Variants in LRP11 observed in about 807,000 individuals in gnomAD.
LRP11 encodes the protein low-density lipoprotein receptor-related protein 11.
Under a neutral mutation model 43.1 loss-of-function variants are expected in LRP11, and 25 were observed. That is an observed-to-expected ratio of 0.58 (90% confidence interval 0.42 to 0.81). The LOEUF (loss-of-function observed/expected upper bound fraction) is 0.81, where lower values mean the gene tolerates loss of function less well. Ranked by LOEUF, LRP11 falls within the 30% of genes least tolerant of loss-of-function variation. The pLI, the probability that LRP11 is intolerant of heterozygous loss-of-function variation, is 0.00. For missense variants in LRP11, 623 were observed against 665.1 expected, an observed-to-expected ratio of 0.94 and a Z score of 0.70; for synonymous variants, 316 against 299.4, an observed-to-expected ratio of 1.06 and a Z score of -0.57.
At chr6:149,840,707 T>C (rs1441711102) in intron 3 of LRP11, among the ~76,000 whole-genome samples, 1 of 152,208 alleles carries the variant, frequency 6.6e-6, no homozygotes, top group Non-Finnish European at 1.5e-5. Context: ...GAGTCAGCAC[T>C]TGACTCAGAC....
chr6:149,836,326 G>A, intron 4 of LRP11, 29 bp from the exon 5 acceptor site: 1 of 1,594,836 alleles, frequency 6.3e-7, no homozygotes, highest in Non-Finnish European at 8.6e-7. Flanking sequence ...ACTGTTAGTT[G>A]CTGGATTTCT....
chr6:149,821,743 G>A, intron 6 of LRP11, among the ~76,000 whole-genome samples: 1 of 152,190 alleles, frequency 6.6e-6, no homozygotes, highest in Admixed American at 6.5e-5. Flanking sequence ...TGGTGGAACT[G>A]TTTTTAGCTG....
chr6:149,820,999 C>T (rs952637897), intron 6 of LRP11, among the ~76,000 whole-genome samples: 9 of 145,530 alleles, frequency 6.2e-5, no homozygotes, highest in African/African-American at 1.3e-4. Context: ...GGCTCAATCT[C>T]GGCTCACTGC....
chr6:149,846,000 G>A (rs1438481133), intron 2 of LRP11, among the ~76,000 whole-genome samples: 2 of 152,176 alleles, frequency 1.3e-5, no homozygotes, highest in East Asian at 3.9e-4. Flanking sequence ...ACCCCAGCCT[G>A]TCTCTTGCCT....
intron 2 of LRP11, 87 bp from the exon 3 acceptor site, chr6:149,843,211 A>G: frequency 2.0e-6 from 3 of 1,512,874 alleles, no homozygotes; most frequent in South Asian, 2.3e-5. Context: ...CCATGTCCTC[A>G]GAGCAGCCCC....
rs894252633 is a variant in LRP11, at chr6:149,819,495, T to G, written c.*1054A>C. ...GCTAGATGCTGGTTTTCTGTAAAGA[T>G]GAATTTGTGAAAAACTGCTTTATGG... On this transcript the variant is annotated 3_prime_UTR_variant, in exon 7 of 7. Transcript: ENST00000239367. 1.3e-5 allele frequency: 2 copies of G among 152,598 alleles called. No individual in the cohort carries two copies. The highest frequency in any genetic ancestry group is 2.9e-5 in the Non-Finnish European group (2 of 68,042). The allele number at this position is 152,598 out of a possible 1,614,324, so 9.5% of individuals were successfully genotyped here. A position where few individuals can be genotyped will look rare whatever the true frequency, so the allele number is the denominator to read the frequency against.
intron 1 of LRP11, among the ~76,000 whole-genome samples, chr6:149,861,649 G>C (rs1302740674): frequency 6.6e-6 from 1 of 152,146 alleles, no homozygotes; most frequent in African/African-American, 2.4e-5. Flanking sequence ...GAGGAGCTGG[G>C]ATCATAGACA....
rs751848745 is a variant in LRP11 at position 149,826,356 on chromosome 6, C to G, written c.1256G>C (p.Ser419Thr). The G allele has an allele frequency of 6.2e-7, 1 of 1,605,778 alleles. No individual in the cohort carries two copies. Among genetic ancestry groups the G allele is most frequent in the Admixed American group, 1.7e-5 (1 of 59,976 alleles). ...ESQIIPVMPD[S>T]SSSGKNRKEE... ...TTTTCTGTTCTTCCCTGAGGAACTA[C>G]TATCTGCAGAAAAGAAAGAGAACAT... The change falls in exon 6 of 7, where the codon AGT (serine) becomes ACT (threonine). Residue 419 changes from serine to threonine, a missense_variant. Physicochemically the swap from Ser to Thr is moderately conservative, Grantham distance 58. Coordinates refer to ENST00000239367, the MANE Select transcript of LRP11 (RefSeq NM_032832.6).
intron 1 of LRP11, among the ~76,000 whole-genome samples, chr6:149,854,013 T>C (rs895212143): frequency 2.0e-5 from 3 of 152,036 alleles, no homozygotes; most frequent in Admixed American, 6.5e-5. Context: ...TGGAATCCAA[T>C]TTTTCATCTA....
intron 6 of LRP11, among the ~76,000 whole-genome samples, chr6:149,821,840 T>G (rs1776281846): frequency 6.6e-6 from 1 of 152,244 alleles, no homozygotes; most frequent in Admixed American, 6.5e-5. Context: ...ATTTATTCAT[T>G]CATTCTGCAT....
At position 149,863,879 on chromosome 6, in the gene LRP11, G is replaced by T. The variant is rs776795956; in HGVS notation, c.142C>A (p.Leu48Met). 19 of 1,500,126 alleles carry T rather than the reference G, an allele frequency of 1.3e-5. No individual in the cohort carries two copies. The highest frequency in any genetic ancestry group is 4.3e-4 in the Middle Eastern group (2 of 4,616). The allele number at this position is 1,500,126 out of a possible 1,614,324, so 92.9% of individuals were successfully genotyped here. A position where few individuals can be genotyped will look rare whatever the true frequency, so the allele number is the denominator to read the frequency against. The change falls in exon 1 of 7, where the codon CTG (leucine) becomes ATG (methionine). Residue 48 changes from leucine to methionine, a missense_variant. By Grantham distance (15) the Leu-to-Met change is conservative. Transcript: ENST00000239367. ...ALPPAAPLSE[L>M]HAQLSGVEQL... Reference sequence around the variant, plus strand: ...TCCACGCCCGACAGCTGCGCGTGCAGTTCGGACAGCGGCGCCGCGGGCGGC... The same window carrying T: ...TCCACGCCCGACAGCTGCGCGTGCATTTCGGACAGCGGCGCCGCGGGCGGC...
At chr6:149,859,636 TCCACC>T (rs1562448199) in intron 1 of LRP11, among the ~76,000 whole-genome samples, 2 of 151,908 alleles carry the variant, frequency 1.3e-5, no homozygotes, top group Non-Finnish European at 2.9e-5. Context: ...CCTCCAGCAA[TCCACC>T]TGCGTTGGCC....
At chr6:149,842,616 C>T (rs1776565063) in intron 3 of LRP11, 1 of 1,550,096 alleles carries the variant, frequency 6.5e-7, no homozygotes, top group Admixed American at 2.0e-5. Flanking sequence ...ACGAGTTCAA[C>T]TGGTTTCACT....
intron 2 of LRP11, 84 bp downstream of exon 2, chr6:149,852,919 T>A: frequency 7.9e-7 from 1 of 1,272,912 alleles, no homozygotes; most frequent in Non-Finnish European, 1.1e-6. Context: ...GTACAGACAT[T>A]TAGGGAGCAT....
At chr6:149,845,279 T>C (rs1264530163) in intron 2 of LRP11, among the ~76,000 whole-genome samples, 1 of 152,242 alleles carries the variant, frequency 6.6e-6, no homozygotes, top group Admixed American at 6.5e-5. Context: ...GGTTGATTCT[T>C]ATCTCTAACT....
At chr6:149,855,697 C>CT (rs11289615) in intron 1 of LRP11, among the ~76,000 whole-genome samples, 2,759 of 134,882 alleles carry the variant, frequency 0.02, 28 homozygotes, top group Non-Finnish European at 0.026. Flanking sequence ...GGGAAGATGC[C>CT]TTTTTTTTTT....
rs893587844 is a variant in LRP11, at chr6:149,827,436, C to T, written c.1253-1077G>A. 6.6e-6 allele frequency among the ~76,000 whole-genome samples: 1 copy of T among 152,192 alleles called. No individual in the cohort carries two copies. Among genetic ancestry groups the T allele is most frequent in the Non-Finnish European group, 1.5e-5 (1 of 68,032 alleles). On this transcript the variant is annotated intron_variant, in intron 5 of 6. Coordinates refer to ENST00000239367, the MANE Select transcript of LRP11 (RefSeq NM_032832.6). The surrounding 1 kb of genome is among the most constrained non-coding windows in gnomAD (Gnocchi z 4.2). The stretch of plus-strand genomic sequence containing the variant: ...GTATATAAAATTCTTTGGTAACTTG[C>T]ATTTTGCAAATTTACTAAGTCACAA...
At chr6:149,843,865 T>C (rs1776589091) in intron 2 of LRP11, among the ~76,000 whole-genome samples, 1 of 152,152 alleles carries the variant, frequency 6.6e-6, no homozygotes, top group African/African-American at 2.4e-5. Flanking sequence ...ATGTAGCTGC[T>C]TTCCCCACCA....
At chr6:149,863,312 A>G (rs1333270579) in intron 1 of LRP11, 96 bp downstream of exon 1, 2 of 1,282,826 alleles carry the variant, frequency 1.6e-6, no homozygotes, top group Non-Finnish European at 2.0e-6. Flanking sequence ...CGCGGCTAAA[A>G]TAACTTGGCA....
Sources: gnomAD v4.1 joint callset for allele counts (sites outside exome capture counted in the v4.1 genomes callset) on GRCh38, gnomAD v4.1.1 for gene constraint, Gnocchi (gnomAD v3.1) non-coding constraint, MANE v1.5 for transcripts, NCBI Gene and HGNC (gene_info 2026-07-23, HGNC 2026-07-21) for gene names.